The following ATRNL1 variants were observed in gnomAD, a reference collection of about 807,000 sequenced individuals.
ATRNL1 encodes the protein attractin-like protein 1.
ATRNL1 carries 95 observed loss-of-function variants against 182.7 expected under a neutral mutation model. That is an observed-to-expected ratio of 0.52 (90% CI 0.44 to 0.62). ATRNL1 has a LOEUF of 0.62. Ranked by LOEUF, ATRNL1 falls within the 20% of genes least tolerant of loss-of-function variation. The pLI, the probability that ATRNL1 is intolerant of heterozygous loss-of-function variation, is 0.00. For synonymous variants in ATRNL1, 576 were observed against 568.3 expected (o/e 1.01, Z -0.19); for missense variants, 1,471 against 1,679.5 (o/e 0.88, Z 2.17).
intron 28 of ATRNL1, among the ~76,000 whole-genome samples, chr10:115,943,790 A>C (rs1225877435): frequency 2.6e-5 from 4 of 152,236 alleles, no homozygotes; most frequent in African/African-American, 9.6e-5. Context: ...GATGTCCTTC[A>C]GTAGTGAATG....
At chr10:115,754,040 T>A (rs1565349012) in intron 27 of ATRNL1, among the ~76,000 whole-genome samples, 1 of 152,194 alleles carries the variant, frequency 6.6e-6, no homozygotes, top group Non-Finnish European at 1.5e-5. Context: ...TCTTGTAAAT[T>A]TGTTTAAGTT....
intron 28 of ATRNL1, among the ~76,000 whole-genome samples, chr10:115,935,737 T>A (rs1253730369): frequency 1.3e-5 from 2 of 152,206 alleles, no homozygotes; most frequent in Admixed American, 1.3e-4. Flanking sequence ...TGTAAAAGCA[T>A]TTTGTAACTC....
At chr10:115,783,910 G>A (rs1949332292) in intron 27 of ATRNL1, among the ~76,000 whole-genome samples, 2 of 152,146 alleles carry the variant, frequency 1.3e-5, no homozygotes, top group Admixed American at 1.3e-4. Context: ...CTACTTGGGA[G>A]GCTGAGGCAG....
At chr10:115,844,588 T>C (rs1950886334) in intron 27 of ATRNL1, among the ~76,000 whole-genome samples, 1 of 152,026 alleles carries the variant, frequency 6.6e-6, no homozygotes, top group African/African-American at 2.4e-5. Context: ...AACAGCAACT[T>C]GAAAATAAGA....
chr10:115,501,569 A>G (rs995081079), intron 24 of ATRNL1, among the ~76,000 whole-genome samples: 1 of 152,210 alleles, frequency 6.6e-6, no homozygotes, highest in Admixed American at 6.5e-5. Flanking sequence ...CTTATTGCAC[A>G]TTCCATAGTT....
intron 26 of ATRNL1, among the ~76,000 whole-genome samples, chr10:115,557,063 T>C (rs1853355699): frequency 6.6e-6 from 1 of 152,086 alleles, no homozygotes; most frequent in South Asian, 2.1e-4. Context: ...CTGACAGAGC[T>C]GGGAAACTGT....
intron 1 of ATRNL1, 45 bp downstream of exon 1, chr10:115,094,088 C>G: frequency 1.5e-6 from 2 of 1,327,260 alleles, no homozygotes; most frequent in Non-Finnish European, 1.9e-6. Context: ...CTGCCTCGCT[C>G]CCGTCGCGGC....
At chr10:115,805,526 C>A (rs1212124123) in intron 27 of ATRNL1, among the ~76,000 whole-genome samples, 4 of 152,102 alleles carry the variant, frequency 2.6e-5, no homozygotes, top group African/African-American at 9.7e-5. Context: ...CCATCTGTTT[C>A]ACTCCATGAC....
intron 26 of ATRNL1, among the ~76,000 whole-genome samples, chr10:115,687,504 T>C (rs1449114572): frequency 1.3e-5 from 2 of 152,082 alleles, no homozygotes; most frequent in East Asian, 3.9e-4. Context: ...ATTTTCTTTA[T>C]CCGTTCAAAT....
chr10:115,498,118 T>G (rs1849642958), intron 24 of ATRNL1, among the ~76,000 whole-genome samples: 1 of 152,178 alleles, frequency 6.6e-6, no homozygotes, highest in Non-Finnish European at 1.5e-5. Flanking sequence ...CACATTAGAT[T>G]TAATTTAAAT....
At chr10:115,534,281 G>A (rs11516963) in intron 25 of ATRNL1, among the ~76,000 whole-genome samples, 3 of 149,652 alleles carry the variant, frequency 2.0e-5, no homozygotes, top group East Asian at 2.0e-4. Flanking sequence ...TATGAATCTG[G>A]GTGCTCCTGT....
At chr10:115,810,120 A>T (rs373724574) in intron 27 of ATRNL1, among the ~76,000 whole-genome samples, 100 of 152,000 alleles carry the variant, frequency 6.6e-4, no homozygotes, top group Middle Eastern at 3.4e-3. Flanking sequence ...TCAAATTGAC[A>T]TTGCCTTTTT....
intron 26 of ATRNL1, among the ~76,000 whole-genome samples, chr10:115,663,913 C>T (rs1350248892): frequency 6.6e-6 from 1 of 152,046 alleles, no homozygotes; most frequent in Non-Finnish European, 1.5e-5. Flanking sequence ...TCCGATGTAG[C>T]CAAAGAAGTT....
chr10:115,696,808 A>T (rs1946573931), intron 26 of ATRNL1, among the ~76,000 whole-genome samples: 1 of 152,036 alleles, frequency 6.6e-6, no homozygotes, highest in African/African-American at 2.4e-5. Flanking sequence ...GAGAGGCTTC[A>T]GGAAACTTAT....
chr10:115,389,544 A>ATATATATATATATGTG (rs1352132544), intron 19 of ATRNL1, among the ~76,000 whole-genome samples: 2 of 10,432 alleles, frequency 1.9e-4, no homozygotes, highest in Non-Finnish European at 3.1e-4. Context: ...GTATGTGTAT[A>ATATATATATATATGTG]TATATATATA....
intron 19 of ATRNL1, among the ~76,000 whole-genome samples, chr10:115,345,589 T>A (rs1217766564): frequency 6.6e-6 from 1 of 152,182 alleles, no homozygotes. Flanking sequence ...ATTTTTGGTT[T>A]TATGAAGGTG....
intron 28 of ATRNL1, among the ~76,000 whole-genome samples, chr10:115,907,904 C>T (rs1343389250): frequency 6.6e-6 from 1 of 152,146 alleles, no homozygotes; most frequent in Non-Finnish European, 1.5e-5. Flanking sequence ...TCTCTGTACA[C>T]ACTAGCTATA....
intron 24 of ATRNL1, among the ~76,000 whole-genome samples, chr10:115,495,781 A>G (rs1345669385): frequency 1.3e-5 from 2 of 151,910 alleles, no homozygotes; most frequent in Non-Finnish European, 2.9e-5. Context: ...TTTGCAGATG[A>G]GAAGAATATA....
chr10:115,819,776 G>A (rs1297863892), intron 27 of ATRNL1: 23 of 152,026 alleles, frequency 1.5e-4, no homozygotes, highest in Admixed American at 1.5e-3. Context: ...TCCACCCCAA[G>A]TCACTGGTTC....
Sources: gnomAD v4.1 joint callset for allele counts (sites outside exome capture counted in the v4.1 genomes callset) on GRCh38, gnomAD v4.1.1 for gene constraint, MANE v1.5 for transcripts, NCBI Gene and HGNC (gene_info 2026-07-23, HGNC 2026-07-21) for gene names.